PIK3CG: variants seen among roughly 807,000 people sequenced by gnomAD.
The protein encoded by PIK3CG is phosphatidylinositol 4,5-bisphosphate 3-kinase catalytic subunit gamma isoform.
A neutral mutation model predicts 102.3 loss-of-function variants in PIK3CG; 55 were observed. That is an observed-to-expected ratio of 0.54 (90% CI 0.43 to 0.67). PIK3CG has a LOEUF of 0.67. PIK3CG is among the 30% of genes least tolerant of loss of function. The pLI, the probability that PIK3CG is intolerant of heterozygous loss-of-function variation, is 0.00. For missense variants in PIK3CG, 1,258 were observed against 1,391.8 expected (o/e 0.90, Z 1.53); for synonymous variants, 552 against 540.0 (o/e 1.02, Z -0.31).
Position 106,907,720 on chromosome 7 carries a change from TTATGCTAATATATATATATAACATATA to T in PIK3CG, c.*2352_*2378del, listed in dbSNP as rs1432468251. Among the ~76,000 whole-genome samples the T allele has an allele frequency of 2.9e-4, 32 of 111,202 alleles. No homozygotes were observed. Among genetic ancestry groups the T allele is most frequent in the Non-Finnish European group, 5.2e-4 (25 of 47,840 alleles). The allele number at this position is 111,202 out of a possible 152,430, so 73.0% of individuals were successfully genotyped here. ...CAAATGAACCAGTTCTTTCATTTCA[TTATGCTAATATATATATATAACATATA>T]TATGCTAATATATATATAACATATA... On this transcript the variant is annotated 3_prime_UTR_variant, in exon 11 of 11. Coordinates refer to ENST00000496166, the MANE Select transcript of PIK3CG (RefSeq NM_001282426.2).
In PIK3CG at chr7:106,869,889, C is replaced by T. The variant is rs1322453574; in HGVS notation, c.1995+333C>T. Among the ~76,000 whole-genome samples, 1 of 152,196 alleles carries T rather than the reference C, an allele frequency of 6.6e-6. No homozygotes were observed. Among genetic ancestry groups the T allele is most frequent in the African/African-American group, 2.4e-5 (1 of 41,438 alleles). ...TTGTGCCAAGGCTCCAAGTGACTGA[C>T]ATGCTTTCAGTGTATTATCTCATTT... On this transcript the variant is annotated intron_variant, in intron 2 of 10. Transcript: ENST00000496166. This position sits in a 1 kb window ranked among gnomAD's most constrained non-coding sequence, Gnocchi z 5.3.
rs1790375041 is a variant in PIK3CG, at chr7:106,868,094, G to T, written c.533G>T (p.Arg178Leu). 1 of 1,612,768 alleles carries T rather than the reference G, an allele frequency of 6.2e-7. No homozygotes were observed. Among genetic ancestry groups the T allele is most frequent in the Non-Finnish European group, 8.5e-7 (1 of 1,179,234 alleles). ...GACGATGAGCTGGAGTTCACGCGCC[G>T]TGGCTTGGTGACCCCGCGCATGGCG... ...VHDDELEFTR[R>L]GLVTPRMAEV... is the part of the protein sequence containing the mutation. The change falls in exon 2 of 11, where the codon CGT becomes CTT. Residue 178 changes from arginine to leucine, a missense_variant. Arg to Leu is a moderately radical substitution (Grantham distance 102). This residue lies in a region of PIK3CG where 832 missense variants were observed against 787.5 expected (regional missense o/e 1.06). Transcript: ENST00000496166. The surrounding 1 kb of genome is among the most constrained non-coding windows in gnomAD (Gnocchi z 6.2).
In PIK3CG at chr7:106,886,119, A is replaced by T. The variant is rs2116560082; in HGVS notation, c.2873-16A>T. 6.2e-7 allele frequency: 1 copy of T among 1,611,578 alleles called. No individual in the cohort carries two copies. The highest frequency in any genetic ancestry group is 1.3e-5 in the African/African-American group (1 of 74,956). On this transcript the variant is annotated splice_polypyrimidine_tract_variant and intron_variant, in intron 9 of 10. Transcript: ENST00000496166. ...CTGTGCCACTGTAATGATGTCAGAT[A>T]CTTTCTTCTCTTAAGGAAACCTATT...
chr7:106,873,749 AACAC>A (rs769822968), intron 4 of PIK3CG, among the ~76,000 whole-genome samples: 3 of 149,746 alleles, frequency 2.0e-5, no homozygotes, highest in East Asian at 2.0e-4. Flanking sequence ...AAAGGTAATA[AACAC>A]ACACACACAC....
chr7:106,885,650 A>G (rs1409293687), intron 9 of PIK3CG, among the ~76,000 whole-genome samples: 3 of 152,118 alleles, frequency 2.0e-5, no homozygotes, highest in Non-Finnish European at 4.4e-5. Flanking sequence ...ACTCAAAATG[A>G]TTTGCTTCTA....
rs1791302669 is a variant in PIK3CG at position 106,892,972 on chromosome 7, A to G, written c.3030+6680A>G. Among the ~76,000 whole-genome samples the G allele has an allele frequency of 6.6e-6, 1 of 152,220 alleles. No homozygotes were observed. Among genetic ancestry groups the G allele is most frequent in the Admixed American group, 6.5e-5 (1 of 15,284 alleles). ...GAAAGTGGTATTTCTGGAAGTGTGT[A>G]GTAGAATTTGAGTCAAGAAAGGAAA... On this transcript the variant is annotated intron_variant, in intron 10 of 10. Coordinates refer to ENST00000496166, the MANE Select transcript of PIK3CG (RefSeq NM_001282426.2). The surrounding 1 kb of genome is among the most constrained non-coding windows in gnomAD (Gnocchi z 5.2).
At position 106,867,720 on chromosome 7, in the gene PIK3CG, C is replaced by T. The variant is rs763476347; in HGVS notation, c.159C>T (p.Ser53=). 3.0e-5 allele frequency: 48 copies of T among 1,613,012 alleles called. No homozygotes were observed. Among genetic ancestry groups the T allele is most frequent in the African/African-American group, 4.0e-5 (3 of 74,942 alleles). ...VLPTSQRKCK[S]PETALLHVAG... Reference sequence around the variant, plus strand: ...CCACCAGCCAGCGCAAATGCAAGAGCCCCGAAACGGCGCTGCTGCACGTGG... The same window carrying T: ...CCACCAGCCAGCGCAAATGCAAGAGTCCCGAAACGGCGCTGCTGCACGTGG... The change falls in exon 2 of 11, where the codon AGC becomes AGT. Residue 53 remains serine (S), a synonymous_variant. Transcript: ENST00000496166. This position sits in a 1 kb window ranked among gnomAD's most constrained non-coding sequence, Gnocchi z 5.1.
chr7:106,866,375 C>CT (rs1790283709), intron 1 of PIK3CG, among the ~76,000 whole-genome samples: 1 of 152,128 alleles, frequency 6.6e-6, no homozygotes, highest in Non-Finnish European at 1.5e-5. Context: ...GAAGGATTTC[C>CT]TATTGCAGTA....
Position 106,882,207 on chromosome 7 carries a change from G to T in PIK3CG, c.2629G>T (p.Gly877Ter), listed in dbSNP as rs2116538685. 1 of 1,533,072 alleles carries T rather than the reference G, an allele frequency of 6.5e-7. No individual in the cohort carries two copies. Among genetic ancestry groups the T allele is most frequent in the Non-Finnish European group, 8.9e-7 (1 of 1,123,692 alleles). The allele number at this position is 1,533,072 out of a possible 1,614,324, so 95.0% of individuals were successfully genotyped here. ...TTGCATTTCAACTGGTGACAAAATA[G>T]GTATGTAGTTACCTCAGGAGATGAA... ...YGCISTGDKI[G>*]MIEIVKDATT... The change falls in exon 7 of 11, where the codon GGA becomes TGA. Residue 877 changes from glycine (G) to a stop codon, truncating the protein, a stop_gained and splice_region_variant. Coordinates refer to ENST00000496166, the MANE Select transcript of PIK3CG (RefSeq NM_001282426.2). LOFTEE classifies it high-confidence loss of function.
In PIK3CG at chr7:106,880,016, C is replaced by G. The variant is rs1790886163; in HGVS notation, c.2538+351C>G. ...ACTTCATTCCTGCCCATAGACATGT[C>G]TGCACATCTCTAGGCACTCTTTTAG... On this transcript the variant is annotated intron_variant, in intron 6 of 10. Coordinates refer to ENST00000496166, the MANE Select transcript of PIK3CG (RefSeq NM_001282426.2). This position sits in a 1 kb window ranked among gnomAD's most constrained non-coding sequence, Gnocchi z 4.2. Among the ~76,000 whole-genome samples the G allele has an allele frequency of 6.6e-6, 1 of 152,184 alleles. No individual in the cohort carries two copies. The highest frequency in any genetic ancestry group is 1.5e-5 in the Non-Finnish European group (1 of 68,028).
In PIK3CG at chr7:106,874,813, A is replaced by T. The variant is rs572848150; in HGVS notation, c.2391+10A>T. ...AGCAGGAGCGCTGGCAGTAGGTATC[A>T]CTTGGATGTCTCCATGTGGTCTTTA... On this transcript the variant is annotated intron_variant, in intron 5 of 10. Coordinates refer to ENST00000496166, the MANE Select transcript of PIK3CG (RefSeq NM_001282426.2). This position sits in a 1 kb window ranked among gnomAD's most constrained non-coding sequence, Gnocchi z 4.3. The T allele has an allele frequency of 6.4e-7, 1 of 1,563,652 alleles. No individual in the cohort carries two copies. The highest frequency in any genetic ancestry group is 8.8e-7 in the Non-Finnish European group (1 of 1,134,580).
In PIK3CG at chr7:106,868,904, A is replaced by G. The variant is rs1790424968; in HGVS notation, c.1343A>G (p.Glu448Gly). ...APALSSKASAESPSSESKGKV... is the reference protein window; with the variant it reads ...APALSSKASAGSPSSESKGKV... ...GCACTGTCCAGCAAGGCCTCTGCAG[A>G]GTCCCCCAGTTCTGAGTCCAAGGGC... The change falls in exon 2 of 11, where the codon GAG (glutamate) becomes GGG (glycine). Residue 448 changes from glutamate to glycine, a missense_variant. Around this residue, in one of 2 missense-constraint regions of PIK3CG, gnomAD observed 832 missense variants for 787.5 expected, o/e 1.06. Coordinates refer to ENST00000496166, the MANE Select transcript of PIK3CG (RefSeq NM_001282426.2). The surrounding 1 kb of genome is among the most constrained non-coding windows in gnomAD (Gnocchi z 6.2). 1.9e-6 allele frequency: 3 copies of G among 1,614,086 alleles called. No individual in the cohort carries two copies. Among genetic ancestry groups the G allele is most frequent in the African/African-American group, 1.3e-5 (1 of 74,930 alleles).
chr7:106,902,542 G>C lies in PIK3CG; in HGVS notation c.3031-2567G>C, dbSNP rs201506895. On this transcript the variant is annotated intron_variant, in intron 10 of 10. Coordinates refer to ENST00000496166, the MANE Select transcript of PIK3CG (RefSeq NM_001282426.2). This position sits in a 1 kb window ranked among gnomAD's most constrained non-coding sequence, Gnocchi z 4.3. ...TGAACATTGGGTATTGTCCTTAAAAGACTAAAAAAAAAAAAGTCCAGTTTT... is the reference window on the plus strand; with the variant it reads ...TGAACATTGGGTATTGTCCTTAAAACACTAAAAAAAAAAAAGTCCAGTTTT... Among the ~76,000 whole-genome samples, 375 of 147,794 alleles carry C rather than the reference G, an allele frequency of 2.5e-3. 3 individuals carry two copies. Among genetic ancestry groups the C allele is most frequent in the African/African-American group, 8.6e-3 (347 of 40,266 alleles).
At chr7:106,885,835 A>T (rs895473485) in intron 9 of PIK3CG, among the ~76,000 whole-genome samples, 1 of 152,200 alleles carries the variant, frequency 6.6e-6, no homozygotes, top group African/African-American at 2.4e-5. Flanking sequence ...TAATGATGAC[A>T]TAGTGGCCAG....
rs1790631445 is a variant in PIK3CG, at chr7:106,874,002, TAG to T, written c.2288-696_2288-695del. Among the ~76,000 whole-genome samples the T allele has an allele frequency of 6.6e-6, 1 of 152,180 alleles. No individual in the cohort carries two copies. The highest frequency in any genetic ancestry group is 2.1e-4 in the South Asian group (1 of 4,830). On this transcript the variant is annotated intron_variant, in intron 4 of 10. Coordinates refer to ENST00000496166, the MANE Select transcript of PIK3CG (RefSeq NM_001282426.2). The surrounding 1 kb of genome is among the most constrained non-coding windows in gnomAD (Gnocchi z 4.3). ...AGACCTAGCACTATGGCTCATTACA[TAG>T]ACACTTCATGTACTCAACCAGTATT...
Position 106,868,305 on chromosome 7 carries a change from C to T in PIK3CG, c.744C>T (p.Phe248=). The change falls in exon 2 of 11, where the codon TTC becomes TTT. Residue 248 remains phenylalanine, a synonymous_variant. Transcript: ENST00000496166. The surrounding 1 kb of genome is among the most constrained non-coding windows in gnomAD (Gnocchi z 6.2). ...CCCCCGGCGCCATCCTGCAGAGCTT[C>T]TTCACCAAGATGGCCAAGAAGAAAT... is the stretch of plus-strand genomic sequence containing the variant. ...DDTPGAILQS[F]FTKMAKKKSL... is the part of the protein sequence containing the mutation. The T allele has an allele frequency of 1.2e-6, 2 of 1,614,228 alleles. No individual in the cohort carries two copies. Among genetic ancestry groups the T allele is most frequent in the Non-Finnish European group, 1.7e-6 (2 of 1,180,052 alleles).
At position 106,893,817 on chromosome 7, in the gene PIK3CG, G is replaced by C. The variant is rs1006552542; in HGVS notation, c.3030+7525G>C. ...CAATTTCGTCATTGTGTAAACATCA[G>C]AGTGAACTTACACAAACCTAGGTGG... On this transcript the variant is annotated intron_variant, in intron 10 of 10. Coordinates refer to ENST00000496166, the MANE Select transcript of PIK3CG (RefSeq NM_001282426.2). This position sits in a 1 kb window ranked among gnomAD's most constrained non-coding sequence, Gnocchi z 4.4. Among the ~76,000 whole-genome samples, 1 of 152,180 alleles carries C rather than the reference G, an allele frequency of 6.6e-6. No individual in the cohort carries two copies. Among genetic ancestry groups the C allele is most frequent in the African/African-American group, 2.4e-5 (1 of 41,446 alleles).
chr7:106,870,653 T>C (rs972563112), intron 2 of PIK3CG, among the ~76,000 whole-genome samples: 4 of 152,232 alleles, frequency 2.6e-5, no homozygotes, highest in African/African-American at 9.6e-5. Flanking sequence ...GTAAGTGACA[T>C]TTGACCTGAG....
Position 106,877,023 on chromosome 7 carries a change from C to A in PIK3CG, c.2391+2220C>A, listed in dbSNP as rs1174882166. ...GACCAGACTGGGCAACATGGCGAGA[C>A]TCCATCTCTACAAAAAATAAAAAAA... On this transcript the variant is annotated intron_variant, in intron 5 of 10. Transcript: ENST00000496166. The surrounding 1 kb of genome is among the most constrained non-coding windows in gnomAD (Gnocchi z 4.5). Among the ~76,000 whole-genome samples, 4 of 151,842 alleles carry A rather than the reference C, an allele frequency of 2.6e-5. No individual in the cohort carries two copies. Among genetic ancestry groups the A allele is most frequent in the African/African-American group, 9.7e-5 (4 of 41,312 alleles).
Sources: allele counts gnomAD v4.1 joint callset (sites outside exome capture counted in the v4.1 genomes callset), GRCh38; gene constraint gnomAD v4.1.1; regional missense constraint gnomAD v4.1.1; non-coding constraint Gnocchi (gnomAD v3.1); transcripts MANE v1.5; gene names NCBI Gene and HGNC (gene_info 2026-07-23, HGNC 2026-07-21).